The following USP26 variants were observed in gnomAD, a reference collection of about 807,000 sequenced individuals.
The protein encoded by USP26 is ubiquitin specific peptidase 26.
For synonymous variants in USP26, 236 were observed against 240.6 expected, an observed-to-expected ratio of 0.98 and a Z score of 0.18; for missense variants, 649 against 642.3, an observed-to-expected ratio of 1.01 and a Z score of -0.11.
intron 5 of USP26, among the ~76,000 whole-genome samples, chrX:133,058,098 G>A (rs1181113862): frequency 1.9e-5 from 2 of 103,405 alleles, no homozygotes. Flanking sequence ...AGCCAGGATG[G>A]TCTCGATCTC....
chrX:133,029,765 T>C (rs1186842985), intron 5 of USP26, among the ~76,000 whole-genome samples: 1 of 112,059 alleles, frequency 8.9e-6, no homozygotes, highest in African/African-American at 3.2e-5. Context: ...AAGACCCTCT[T>C]GATATTTCTT....
intron 5 of USP26, among the ~76,000 whole-genome samples, chrX:133,045,575 C>T: frequency 8.9e-6 from 1 of 111,939 alleles, no homozygotes. Context: ...CACCTTCACT[C>T]CTGAAGCCAT....
chrX:133,064,051 GA>G (rs2067503431), intron 5 of USP26, among the ~76,000 whole-genome samples: 1 of 111,775 alleles, frequency 8.9e-6, no homozygotes, highest in African/African-American at 3.2e-5. Flanking sequence ...CAAGCAAATG[GA>G]AAGCAAAAAA....
chrX:133,096,228 G>T (rs765650466), intron 1 of USP26, among the ~76,000 whole-genome samples: 15 of 108,267 alleles, frequency 1.4e-4, no homozygotes, highest in Non-Finnish European at 2.3e-4. Flanking sequence ...AACATCAACT[G>T]CAATTAAGAC....
intron 4 of USP26, among the ~76,000 whole-genome samples, chrX:133,087,929 T>G (rs2067595075): frequency 9.0e-6 from 1 of 111,288 alleles, no homozygotes; most frequent in Admixed American, 9.6e-5. Flanking sequence ...CAGAACTTTG[T>G]GAGACTAAGG....
At chrX:133,048,346 G>A (rs1189455854) in intron 5 of USP26, among the ~76,000 whole-genome samples, 1 of 111,725 alleles carries the variant, frequency 9.0e-6, no homozygotes, top group Non-Finnish European at 1.9e-5. Context: ...TATAATTACA[G>A]AGTTCTTATT....
intron 5 of USP26, among the ~76,000 whole-genome samples, chrX:133,045,307 C>A (rs1045146522): frequency 1.3e-4 from 15 of 111,794 alleles, no homozygotes; most frequent in African/African-American, 4.6e-4. Context: ...CCAATCAGCA[C>A]CCTGTCAAAA....
intron 1 of USP26, among the ~76,000 whole-genome samples, chrX:133,091,709 C>G (rs1010320777): frequency 9.0e-6 from 1 of 111,264 alleles, no homozygotes; most frequent in African/African-American, 3.3e-5. Context: ...ATCTCTAGAA[C>G]TCTAGGAAGG....
chrX:133,081,291 T>C (rs1413008806), intron 5 of USP26, among the ~76,000 whole-genome samples: 1 of 112,431 alleles, frequency 8.9e-6, no homozygotes, highest in Non-Finnish European at 1.9e-5. Context: ...TAACACTACT[T>C]ACTATCCTTT....
chrX:133,045,953 G>A (rs1367273830), intron 5 of USP26: 1 of 112,264 alleles, frequency 8.9e-6, no homozygotes, highest in Non-Finnish European at 1.9e-5. Context: ...ATTCTGGAAA[G>A]GAAAAGGTAT....
At chrX:133,040,830 A>G (rs758238769) in intron 5 of USP26, among the ~76,000 whole-genome samples, 7 of 111,214 alleles carry the variant, frequency 6.3e-5, no homozygotes, top group African/African-American at 2.0e-4. Context: ...AGGTACCCCA[A>G]TCAAATAATA....
chrX:133,039,086 A>C (rs1324726661), intron 5 of USP26, among the ~76,000 whole-genome samples: 1 of 110,637 alleles, frequency 9.0e-6, no homozygotes, highest in Non-Finnish European at 1.9e-5. Flanking sequence ...TGGTCTACCT[A>C]TTTTTGTTAA....
chrX:133,066,753 T>C (rs1270473283), intron 5 of USP26, among the ~76,000 whole-genome samples: 1 of 110,878 alleles, frequency 9.0e-6, no homozygotes, highest in Non-Finnish European at 1.9e-5. Flanking sequence ...AATGTAAAAC[T>C]CAAAAACCAT....
chrX:133,093,414 C>T (rs1002485612), intron 1 of USP26, among the ~76,000 whole-genome samples: 1 of 111,589 alleles, frequency 9.0e-6, no homozygotes, highest in Non-Finnish European at 1.9e-5. Context: ...AGAGACACCA[C>T]GTTTATAGCA....
intron 5 of USP26, among the ~76,000 whole-genome samples, chrX:133,032,388 T>C (rs113402631): frequency 0.034 from 3,801 of 110,968 alleles, 97 homozygotes; most frequent in East Asian, 0.1. Flanking sequence ...AATGAAAAGG[T>C]CCTCAGGTGG....
chrX:133,052,501 A>G (rs886675191), intron 5 of USP26, among the ~76,000 whole-genome samples: 3 of 112,805 alleles, frequency 2.7e-5, no homozygotes, highest in Admixed American at 1.9e-4. Flanking sequence ...ATTAAAGTCT[A>G]TTCACATAAC....
chrX:133,064,692 A>G (rs762802567), intron 5 of USP26, among the ~76,000 whole-genome samples: 1 of 112,067 alleles, frequency 8.9e-6, no homozygotes, highest in African/African-American at 3.2e-5. Context: ...ACAAAGACAC[A>G]ACGTACCAGA....
At chrX:133,062,685 C>A (rs1442992648) in intron 5 of USP26, among the ~76,000 whole-genome samples, 1 of 111,165 alleles carries the variant, frequency 9.0e-6, no homozygotes, top group African/African-American at 3.3e-5. Context: ...AGAGGAAAAA[C>A]TAACAAAGAG....
rs1479937498 is a variant in USP26, at chrX:133,026,060, A to C, written c.2161T>G (p.Tyr721Asp). The change falls in exon 6 of 6, where the codon TAT (tyrosine) becomes GAT (aspartate). Residue 721 changes from tyrosine (Y) to aspartate (D), a missense_variant. By Grantham distance (160) the Tyr-to-Asp change is radical. Coordinates refer to ENST00000511190, the MANE Select transcript of USP26 (RefSeq NM_031907.3). ...GGAATTCTGATATTTTTATCTTCATACAAATCTTTAGTAGGATTGATAATC... is the reference window on the plus strand; with the variant it reads ...GGAATTCTGATATTTTTATCTTCATCCAAATCTTTAGTAGGATTGATAATC... ...DRIINPTKDL[Y>D]EDKNIRIPER... is the part of the protein sequence containing the mutation. 1 of 1,208,316 alleles carries C rather than the reference A, an allele frequency of 8.3e-7. No homozygotes were observed. The highest frequency in any genetic ancestry group is 1.8e-5 in the African/African-American group (1 of 56,931).
Sources: gnomAD v4.1 joint callset for allele counts (sites outside exome capture counted in the v4.1 genomes callset) on GRCh38, gnomAD v4.1.1 for gene constraint, MANE v1.5 for transcripts, NCBI Gene and HGNC (gene_info 2026-07-23, HGNC 2026-07-21) for gene names.